OR10H1: variants seen among roughly 807,000 people sequenced by gnomAD.
The protein encoded by OR10H1 is olfactory receptor family 10 subfamily H member 1.
OR10H1 carries 12 observed loss-of-function variants against 13.1 expected under a neutral mutation model. The observed-to-expected ratio is 0.92, with a 90% confidence interval of 0.59 to 1.48. The LOEUF (loss-of-function observed/expected upper bound fraction) is 1.48. OR10H1 is among the 40% of genes most tolerant of loss of function. The pLI, the probability that OR10H1 is intolerant of heterozygous loss-of-function variation, is 0.00. For synonymous variants in OR10H1, 168 were observed against 175.6 expected, an observed-to-expected ratio of 0.96 and a Z score of 0.34; for missense variants, 363 against 413.1, an observed-to-expected ratio of 0.88 and a Z score of 1.05.
intron 2 of OR10H1, among the ~76,000 whole-genome samples, chr19:15,811,778 G>A (rs554473479): frequency 6.6e-6 from 1 of 152,154 alleles, no homozygotes; most frequent in African/African-American, 2.4e-5. Context: ...AATGGTAACA[G>A]CAGGCATTGG....
intron 1 of OR10H1, among the ~76,000 whole-genome samples, chr19:15,814,500 A>T (rs879342166): frequency 0.16 from 12,906 of 83,056 alleles, 589 homozygotes; most frequent in Middle Eastern, 0.25. Flanking sequence ...AGAGAGAGAG[A>T]GAGAGAGAGA....
In OR10H1 at chr19:15,805,369, A is replaced by G. The variant is rs961698663; in HGVS notation, c.*1712T>C. 3 of 152,074 alleles carry G rather than the reference A, an allele frequency of 2.0e-5. No homozygotes were observed. The highest frequency in any genetic ancestry group is 7.2e-5 in the African/African-American group (3 of 41,414). 9.4% of individuals were successfully genotyped at this position (152,074 alleles called of 1,614,324 possible). A position where few individuals can be genotyped will look rare whatever the true frequency, so the allele number is the denominator to read the frequency against. Reference sequence around the variant, plus strand: ...ACACAGGAAGACCTATTGTCAATAAATATATAAATACTATACAGTAGGGTC... The same window carrying G: ...ACACAGGAAGACCTATTGTCAATAAGTATATAAATACTATACAGTAGGGTC... On this transcript the variant is annotated 3_prime_UTR_variant, in exon 4 of 4. Transcript: ENST00000641419.
chr19:15,814,828 G>C (rs982177530), intron 1 of OR10H1, among the ~76,000 whole-genome samples: 1 of 152,086 alleles, frequency 6.6e-6, no homozygotes, highest in African/African-American at 2.4e-5. Context: ...TACACCCTGG[G>C]GTGGTGGCTG....
chr19:15,807,540 G>A lies in OR10H1; in HGVS notation c.498C>T (p.Leu166=). Reference sequence around the variant, plus strand: ...GGATCTCCTTGTGTCCACAGAAGGCGAGGTGGAAAATGGCCGAGGTCACCA... The same window carrying A: ...GGATCTCCTTGTGTCCACAGAAGGCAAGGTGGAAAATGGCCGAGGTCACCA... The part of the protein sequence containing the change: ...GMVVTSAIFH[L]AFCGHKEIHH... The change falls in exon 4 of 4, where the codon CTC becomes CTT. Residue 166 remains leucine, a synonymous_variant. Transcript: ENST00000641419. 4.3e-6 allele frequency: 7 copies of A among 1,614,220 alleles called. No individual in the cohort carries two copies. Among genetic ancestry groups the A allele is most frequent in the Non-Finnish European group, 5.9e-6 (7 of 1,180,048 alleles).
rs918625166 is a variant in OR10H1 at position 15,806,247 on chromosome 19, A to G, written c.*834T>C. ...TTCTTGCAGCAGATAGAAATAATCA[A>G]ACCTGGTTTTCTCTGTGTTAGTATC... On this transcript the variant is annotated 3_prime_UTR_variant, in exon 4 of 4. Coordinates refer to ENST00000641419, the MANE Select transcript of OR10H1 (RefSeq NM_013940.4). 1 of 152,130 alleles carries G rather than the reference A, an allele frequency of 6.6e-6. No individual in the cohort carries two copies. Among genetic ancestry groups the G allele is most frequent in the Non-Finnish European group, 1.5e-5 (1 of 68,034 alleles). The allele number at this position is 152,130 out of a possible 1,614,324, so 9.4% of individuals were successfully genotyped here. A position where few individuals can be genotyped will look rare whatever the true frequency, so the allele number is the denominator to read the frequency against.
At chr19:15,811,772 G>A (rs954127256) in intron 2 of OR10H1, among the ~76,000 whole-genome samples, 1 of 152,108 alleles carries the variant, frequency 6.6e-6, no homozygotes, top group Admixed American at 6.5e-5. Flanking sequence ...CCAGTTAATG[G>A]TAACAGCAGG....
At position 15,807,794 on chromosome 19, in the gene OR10H1, G is replaced by A. The variant is rs765276511; in HGVS notation, c.244C>T (p.Leu82=). 1.2e-6 allele frequency: 2 copies of A among 1,606,718 alleles called. No homozygotes were observed. The highest frequency in any genetic ancestry group is 3.3e-5 in the Admixed American group (2 of 59,846). The part of the protein sequence containing the change: ...LYTVAIIPRM[L]ADLLSTQRSI... ...CGCTGGGTGGACAGCAGGTCGGCCA[G>A]CATGCGCGGGATGATGGCCACGGTG... The change falls in exon 4 of 4, where the codon CTG becomes TTG. Residue 82 remains leucine (L), a synonymous_variant. Transcript: ENST00000641419.
chr19:15,807,103 G>C lies in OR10H1; in HGVS notation c.935C>G (p.Pro312Arg), dbSNP rs747823694. 1.9e-5 allele frequency: 31 copies of C among 1,610,894 alleles called. No homozygotes were observed. Among genetic ancestry groups the C allele is most frequent in the Non-Finnish European group, 2.5e-5 (30 of 1,179,120 alleles). ...MKKTFFSKLY[P>R]EKNVMM ...CTCCTACATCATTACATTTTTTTCT[G>C]GGTAGAGTTTACTGAAGAAGGTCTT... The change falls in exon 4 of 4, where the codon CCA becomes CGA. Residue 312 changes from proline (P) to arginine (R), a missense_variant. This residue lies in a region of OR10H1 where 42 missense variants were observed against 30.3 expected (regional missense o/e 1.39). Transcript: ENST00000641419.
Position 15,813,297 on chromosome 19 carries a change from G to C in OR10H1, c.-777-419C>G, listed in dbSNP as rs2088944759. Among the ~76,000 whole-genome samples the C allele has an allele frequency of 3.9e-5, 6 of 152,146 alleles. No homozygotes were observed. In the South Asian group the frequency reaches 1.2e-3, roughly 32 times the overall value. ...AAATAAAGTCTATTAATTTTAAAAA[G>C]TAAAACAAAACCAAACCCATGGTGG... On this transcript the variant is annotated intron_variant, in intron 1 of 3. Coordinates refer to ENST00000641419, the MANE Select transcript of OR10H1 (RefSeq NM_013940.4).
intron 3 of OR10H1, 107 bp from the exon 4 acceptor site, chr19:15,808,155 G>C: frequency 1.1e-6 from 1 of 885,874 alleles, no homozygotes; most frequent in Non-Finnish European, 1.8e-6. Flanking sequence ...AAATGGTTTG[G>C]TTCCATTCCC....
chr19:15,815,297 C>G (rs1337891457), intron 1 of OR10H1, among the ~76,000 whole-genome samples: 1 of 150,340 alleles, frequency 6.7e-6, no homozygotes, highest in Non-Finnish European at 1.5e-5. Flanking sequence ...GCCGAGATTG[C>G]GCCACTGCAC....
chr19:15,815,210 A>G (rs561560699), intron 1 of OR10H1, among the ~76,000 whole-genome samples: 1 of 152,214 alleles, frequency 6.6e-6, no homozygotes, highest in Admixed American at 6.5e-5. Flanking sequence ...GCATGGTGGC[A>G]CGCACCTGTA....
Position 15,805,406 on chromosome 19 carries a change from C to T in OR10H1, c.*1675G>A, listed in dbSNP as rs559532017. The T allele has an allele frequency of 6.6e-6, 1 of 151,260 alleles. No individual in the cohort carries two copies. The highest frequency in any genetic ancestry group is 1.9e-4 in the East Asian group (1 of 5,148). 9.4% of individuals were successfully genotyped at this position (151,260 alleles called of 1,614,324 possible). A position where few individuals can be genotyped will look rare whatever the true frequency, so the allele number is the denominator to read the frequency against. On this transcript the variant is annotated 3_prime_UTR_variant, in exon 4 of 4. Coordinates refer to ENST00000641419, the MANE Select transcript of OR10H1 (RefSeq NM_013940.4). The stretch of plus-strand genomic sequence containing the variant: ...TATACAGTAGGGTCAATCTTAAATC[C>T]CTGCCCATTGGGAAGAGACCATGAG...
rs1291722705 is a variant in OR10H1, at chr19:15,807,212, C to A, written c.826G>T (p.Gly276Cys). 4 of 1,614,012 alleles carry A rather than the reference C, an allele frequency of 2.5e-6. No individual in the cohort carries two copies. Among genetic ancestry groups the A allele is most frequent in the Non-Finnish European group, 3.4e-6 (4 of 1,180,014 alleles). ...PQSLEGDTLM[G>C]ITYTVLTPFL... ...GGTGTGAGGACCGTGTAGGTGATGC[C>A]CATCAAGGTGTCTCCTTCCAGAGAC... Residue 276 changes from glycine (G) to cysteine (C), a missense_variant, in exon 4 of 4, where the codon GGC (glycine) becomes TGC (cysteine). By Grantham distance (159) the Gly-to-Cys change is radical. Around this residue, in one of 3 missense-constraint regions of OR10H1, gnomAD observed 318 missense variants for 366.6 expected, o/e 0.87. Coordinates refer to ENST00000641419, the MANE Select transcript of OR10H1 (RefSeq NM_013940.4).
chr19:15,809,702 A>G (rs1159277390), intron 2 of OR10H1, among the ~76,000 whole-genome samples: 1 of 152,232 alleles, frequency 6.6e-6, no homozygotes, highest in African/African-American at 2.4e-5. Context: ...CATGCAGTAG[A>G]TGCTACATAT....
chr19:15,812,066 T>A (rs1421873367), intron 2 of OR10H1, among the ~76,000 whole-genome samples, 164 bp downstream of exon 2: 1 of 152,168 alleles, frequency 6.6e-6, no homozygotes, highest in Non-Finnish European at 1.5e-5. Context: ...TACCCCCACA[T>A]TAGAAGTCAT....
chr19:15,810,463 T>C (rs557222829), intron 2 of OR10H1, among the ~76,000 whole-genome samples: 39 of 151,828 alleles, frequency 2.6e-4, no homozygotes, highest in Admixed American at 1.6e-3. Flanking sequence ...TAGCATGCAA[T>C]TGTAACAGTA....
intron 2 of OR10H1, 21 bp from the exon 3 acceptor site, chr19:15,808,862 A>G (rs1199049674): frequency 6.6e-6 from 1 of 152,116 alleles, no homozygotes; most frequent in Non-Finnish European, 1.5e-5. Flanking sequence ...AAAAAAAAAA[A>G]TAAATAAATA....
chr19:15,810,449 A>G (rs1044001259), intron 2 of OR10H1, among the ~76,000 whole-genome samples: 3 of 150,616 alleles, frequency 2.0e-5, no homozygotes, highest in Admixed American at 1.3e-4. Context: ...GTTCATTTGC[A>G]TTGTAGCATG....
Sources: allele counts gnomAD v4.1 joint callset (sites outside exome capture counted in the v4.1 genomes callset), GRCh38; gene constraint gnomAD v4.1.1; regional missense constraint gnomAD v4.1.1; transcripts MANE v1.5; gene names NCBI Gene and HGNC (gene_info 2026-07-23, HGNC 2026-07-21).